Variants in NPC2 observed in about 807,000 individuals in gnomAD.
NPC2 encodes Niemann-Pick disease type C2 protein.
In NPC2, 14 loss-of-function variants were observed where a neutral mutation model predicts 17.0. The observed-to-expected ratio is 0.82, with a 90% CI of 0.54 to 1.29. The LOEUF is 1.29. Among genes scored for constraint, NPC2 ranks in the 50% most tolerant of loss-of-function variants. NPC2 has a pLI of 0.00. For synonymous variants in NPC2, 75 were observed against 69.3 expected (o/e 1.08, Z -0.41); for missense variants, 167 against 183.4 (o/e 0.91, Z 0.52).
intron 3 of NPC2, among the ~76,000 whole-genome samples, chr14:74,482,764 A>G (rs2086667870): frequency 6.6e-6 from 1 of 152,120 alleles, no homozygotes; most frequent in African/African-American, 2.4e-5. Context: ...AAATTTCTTC[A>G]GCTGTAAAAT....
chr14:74,487,598 A>T (rs2086728045), intron 1 of NPC2, among the ~76,000 whole-genome samples: 1 of 152,198 alleles, frequency 6.6e-6, no homozygotes, highest in South Asian at 2.1e-4. Context: ...AACAGCTAGA[A>T]AGCAAATGTA....
intron 3 of NPC2, 124 bp downstream of exon 3, chr14:74,484,291 C>T (rs969851201): frequency 5.0e-5 from 51 of 1,019,388 alleles, no homozygotes; most frequent in Non-Finnish European, 7.2e-5. Context: ...TCCTTTCCCT[C>T]GGGCTTCTTC....
intron 1 of NPC2, among the ~76,000 whole-genome samples, chr14:74,488,294 A>T (rs1335102166): frequency 6.6e-6 from 1 of 152,160 alleles, no homozygotes; most frequent in Admixed American, 6.5e-5. Flanking sequence ...TTTGCCCAGT[A>T]TTTTGTCTTC....
chr14:74,485,859 C>T (rs2086707293), intron 2 of NPC2, among the ~76,000 whole-genome samples: 1 of 152,070 alleles, frequency 6.6e-6, no homozygotes, highest in African/African-American at 2.4e-5. Flanking sequence ...CAGTGGGTTC[C>T]CTAAATCTTA....
intron 1 of NPC2, among the ~76,000 whole-genome samples, chr14:74,487,548 T>C (rs905613134): frequency 2.6e-5 from 4 of 152,218 alleles, no homozygotes; most frequent in Non-Finnish European, 1.5e-5. Flanking sequence ...ATTACAGGCA[T>C]GAGCCACCGC....
At chr14:74,483,480 CT>C in intron 3 of NPC2, 1 of 1,565,092 alleles carries the variant, frequency 6.4e-7, no homozygotes. Flanking sequence ...AAGAAACAGC[CT>C]AAAAAGAAAT....
In NPC2 at chr14:74,484,532, T is replaced by A. The variant is rs780482626; in HGVS notation, c.246A>T (p.Pro82=). The part of the protein sequence containing the change: ...AVVHGILMGV[P]VPFPIPEPDG... ...CAGGCTCAGGAATGGGAAAGGGAACTGGGACGCCCATCAGGATGCCATGCA... is the reference window on the plus strand; with the variant it reads ...CAGGCTCAGGAATGGGAAAGGGAACAGGGACGCCCATCAGGATGCCATGCA... Residue 82 remains proline (P), a synonymous_variant, in exon 3 of 5, where the codon CCA becomes CCT. Coordinates refer to ENST00000555619, the MANE Select transcript of NPC2 (RefSeq NM_006432.5). 19 of 1,614,168 alleles carry A rather than the reference T, an allele frequency of 1.2e-5. No individual in the cohort carries two copies. The highest frequency in any genetic ancestry group is 1.6e-5 in the Non-Finnish European group (19 of 1,180,038).
At chr14:74,484,755 CA>C (rs71115996) in intron 2 of NPC2, among the ~76,000 whole-genome samples, 168 bp from the exon 3 acceptor site, 107 of 85,230 alleles carry the variant, frequency 1.3e-3, no homozygotes, top group Middle Eastern at 8.2e-3. Flanking sequence ...CACAATTATG[CA>C]AAAAAAAAAA....
intron 3 of NPC2, among the ~76,000 whole-genome samples, chr14:74,481,435 C>G (rs955170983): frequency 6.6e-6 from 1 of 152,218 alleles, no homozygotes. Flanking sequence ...TTTCAAGTTA[C>G]CCAGTCTTAG....
At chr14:74,490,695 A>C (rs1019066579) in intron 1 of NPC2, among the ~76,000 whole-genome samples, 1 of 152,246 alleles carries the variant, frequency 6.6e-6, no homozygotes, top group Non-Finnish European at 1.5e-5. Context: ...AAACATTACA[A>C]AATTAGTTTG....
upstream of NPC2, chr14:74,493,485 C>T (rs775671234): frequency 3.4e-6 from 4 of 1,174,846 alleles, no homozygotes; most frequent in South Asian, 2.9e-5. This position sits in a 1 kb window ranked among gnomAD's most constrained non-coding sequence, Gnocchi z 4.1. Context: ...CCCATGCCAT[C>T]CCCTCAGAGG....
chr14:74,485,866 C>G (rs2086707323), intron 2 of NPC2, among the ~76,000 whole-genome samples: 1 of 152,176 alleles, frequency 6.6e-6, no homozygotes, highest in African/African-American at 2.4e-5. Flanking sequence ...TTCCCTAAAT[C>G]TTAAGGAGGC....
intron 2 of NPC2, 92 bp downstream of exon 2, chr14:74,486,237 T>C: frequency 8.7e-7 from 1 of 1,149,746 alleles, no homozygotes. Flanking sequence ...TGACTGCCAA[T>C]TCCCCTCCCC....
At chr14:74,483,343 G>C in intron 3 of NPC2, 1 of 1,366,800 alleles carries the variant, frequency 7.3e-7, no homozygotes, top group Non-Finnish European at 1.0e-6. Context: ...GCAAAGAACA[G>C]GGCCAGAATT....
intron 3 of NPC2, chr14:74,482,976 GGGTGA>G: frequency 1.4e-6 from 1 of 702,364 alleles, no homozygotes; most frequent in Non-Finnish European, 2.6e-6. Flanking sequence ...ACCACATCAC[GGGTGA>G]GCTAGTGGTC....
rs934439642 is a variant in NPC2, at chr14:74,480,059, T to C, written c.*215A>G. ...AAACATCTGCTAACCAAGTGCTGCA[T>C]TTAATGAAACCACCTAAGACAGAAA... On this transcript the variant is annotated 3_prime_UTR_variant, in exon 5 of 5. Transcript: ENST00000555619. 22 of 1,518,202 alleles carry C rather than the reference T, an allele frequency of 1.4e-5. No homozygotes were observed. The African/African-American group carries it at 2.8e-4, about 19-fold the overall frequency. 94.0% of individuals were successfully genotyped at this position (1,518,202 alleles called of 1,614,324 possible).
At chr14:74,482,025 T>C (rs1025462165) in intron 3 of NPC2, among the ~76,000 whole-genome samples, 1 of 152,220 alleles carries the variant, frequency 6.6e-6, no homozygotes, top group Non-Finnish European at 1.5e-5. Context: ...CTTAAGCAGT[T>C]TGAGCTATTT....
intron 1 of NPC2, among the ~76,000 whole-genome samples, chr14:74,487,477 G>T (rs1257825160): frequency 6.6e-6 from 1 of 152,008 alleles, no homozygotes; most frequent in Admixed American, 6.6e-5. Flanking sequence ...ATGTTGCCCA[G>T]GCTGGTCTCA....
rs2086638870 is a variant in NPC2, at chr14:74,480,096, G to A, written c.*178C>T. ...ACCTAAGACAGAAAAAGAGACATGA[G>A]ACAACCACTGAGAACCAGCCACCCG... is the stretch of plus-strand genomic sequence containing the variant. On this transcript the variant is annotated 3_prime_UTR_variant, in exon 5 of 5. Transcript: ENST00000555619. 6.5e-7 allele frequency: 1 copy of A among 1,543,440 alleles called. No individual in the cohort carries two copies. Among genetic ancestry groups the A allele is most frequent in the Non-Finnish European group, 8.7e-7 (1 of 1,148,922 alleles).
Sources: allele counts gnomAD v4.1 joint callset (sites outside exome capture counted in the v4.1 genomes callset), GRCh38; gene constraint gnomAD v4.1.1; non-coding constraint Gnocchi (gnomAD v3.1); transcripts MANE v1.5; gene names NCBI Gene and HGNC (gene_info 2026-07-23, HGNC 2026-07-21).